NEK1: variants seen among roughly 807,000 people sequenced by gnomAD.
The protein encoded by NEK1 is NIMA related kinase 1, also known as serine/threonine-protein kinase Nek1.
NEK1 carries 137 observed loss-of-function variants against 182.1 expected under a neutral mutation model. The observed-to-expected ratio is 0.75, with a 90% CI of 0.65 to 0.87. NEK1 has a LOEUF of 0.87. NEK1 is among the 40% of genes least tolerant of loss of function. NEK1 has a pLI of 0.00. For missense variants in NEK1, 1,391 were observed against 1,494.4 expected, an observed-to-expected ratio of 0.93 and a Z score of 1.14; for synonymous variants, 513 against 492.2, an observed-to-expected ratio of 1.04 and a Z score of -0.56.
chr4:169,580,268 G>A (rs901631792), intron 11 of NEK1, among the ~76,000 whole-genome samples: 1 of 151,928 alleles, frequency 6.6e-6, no homozygotes, highest in Non-Finnish European at 1.5e-5. Context: ...AGGCCGAGGC[G>A]GGTGGATCAC....
At chr4:169,525,111 A>C (rs1486270048) in intron 19 of NEK1, among the ~76,000 whole-genome samples, 1 of 152,090 alleles carries the variant, frequency 6.6e-6, no homozygotes, top group African/African-American at 2.4e-5. Flanking sequence ...TCCATGTACC[A>C]AACATTATTT....
intron 23 of NEK1, among the ~76,000 whole-genome samples, chr4:169,498,067 TTGCTTTA>T (rs1431721991): frequency 6.6e-6 from 1 of 152,218 alleles, no homozygotes; most frequent in African/African-American, 2.4e-5. Flanking sequence ...CTCTAAGGAC[TTGCTTTA>T]TGAATCTGGG....
At chr4:169,501,128 A>C (rs1752347850) in intron 23 of NEK1, among the ~76,000 whole-genome samples, 1 of 152,242 alleles carries the variant, frequency 6.6e-6, no homozygotes, top group Non-Finnish European at 1.5e-5. Context: ...AACAGACTTT[A>C]AATCAACAAC....
chr4:169,431,043 A>G (rs1309049310), intron 29 of NEK1, among the ~76,000 whole-genome samples: 1 of 152,192 alleles, frequency 6.6e-6, no homozygotes, highest in Non-Finnish European at 1.5e-5. Flanking sequence ...TATCAAAGAT[A>G]TAGCATACTT....
intron 19 of NEK1, among the ~76,000 whole-genome samples, chr4:169,510,693 G>C (rs1299214240): frequency 6.6e-6 from 1 of 152,092 alleles, no homozygotes; most frequent in Non-Finnish European, 1.5e-5. Flanking sequence ...TTCACATTCT[G>C]TTGAATGGCA....
Position 169,400,312 on chromosome 4 carries a change from T to A in NEK1, c.3760A>T (p.Ile1254Leu), listed in dbSNP as rs1731439179. 6.5e-7 allele frequency: 1 copy of A among 1,544,308 alleles called. No homozygotes were observed. Among genetic ancestry groups the A allele is most frequent in the Admixed American group, 2.0e-5 (1 of 51,066 alleles). ...EDENIEICSK[I>L]VQNILGNEHQ... ...TCATTTCCCAAAATATTTTGAACTA[T>A]TTTTGAACAAATTTCAATATTTTCA... The change falls in exon 35 of 36, where the codon ATA becomes TTA. Residue 1254 changes from isoleucine to leucine, a missense_variant. Coordinates refer to ENST00000507142, the MANE Select transcript of NEK1 (RefSeq NM_001199397.3).
chr4:169,570,345 C>A (rs1240199142), intron 12 of NEK1, among the ~76,000 whole-genome samples: 1 of 145,510 alleles, frequency 6.9e-6, no homozygotes, highest in Non-Finnish European at 1.5e-5. Context: ...GCAGCCACCC[C>A]GTCCGGGAGG....
At chr4:169,510,966 C>G (rs147286698) in intron 19 of NEK1, among the ~76,000 whole-genome samples, 1 of 152,142 alleles carries the variant, frequency 6.6e-6, no homozygotes, top group Non-Finnish European at 1.5e-5. Context: ...AAACCTCTCA[C>G]AGTAGCACTC....
chr4:169,440,334 G>T (rs1285444220), intron 27 of NEK1, among the ~76,000 whole-genome samples: 1 of 151,644 alleles, frequency 6.6e-6, no homozygotes, highest in African/African-American at 2.4e-5. Flanking sequence ...ACACAAAAAT[G>T]GTAAAAAATT....
intron 35 of NEK1, among the ~76,000 whole-genome samples, chr4:169,396,365 C>CAAAAAAAAAAAAAAAAA (rs70961598): frequency 2.6e-4 from 10 of 38,052 alleles, no homozygotes; most frequent in Non-Finnish European, 3.6e-4. Flanking sequence ...GACTCCATCT[C>CAAAAAAAAAAAAAAAAA]AAAAAAAAAA....
At chr4:169,421,760 G>C (rs1385628191) in intron 31 of NEK1, among the ~76,000 whole-genome samples, 2 of 152,144 alleles carry the variant, frequency 1.3e-5, no homozygotes, top group African/African-American at 2.4e-5. Context: ...CTCAGTCTCA[G>C]GTACTTCTTG....
intron 31 of NEK1, among the ~76,000 whole-genome samples, chr4:169,420,550 A>G (rs1260199099): frequency 6.6e-6 from 1 of 152,186 alleles, no homozygotes; most frequent in African/African-American, 2.4e-5. Flanking sequence ...TTAGGTGGTG[A>G]GAGGAATTTT....
At chr4:169,539,827 A>G (rs146116359) in intron 18 of NEK1, among the ~76,000 whole-genome samples, 5 of 152,220 alleles carry the variant, frequency 3.3e-5, no homozygotes, top group East Asian at 1.9e-4. Flanking sequence ...TCCTGATTGT[A>G]TCAACTTCCT....
chr4:169,472,725 GTC>G (rs1211736515), intron 26 of NEK1, among the ~76,000 whole-genome samples: 1 of 152,092 alleles, frequency 6.6e-6, no homozygotes, highest in African/African-American at 2.4e-5. Flanking sequence ...CAACACCAGT[GTC>G]TCTCCTCATT....
chr4:169,403,246 A>C (rs1036043501), intron 32 of NEK1, among the ~76,000 whole-genome samples: 6 of 152,158 alleles, frequency 3.9e-5, no homozygotes, highest in Admixed American at 3.3e-4. Context: ...TCATCCTACT[A>C]GTAGCATTTA....
Position 169,438,160 on chromosome 4 carries a change from G to T in NEK1, c.2687C>A (p.Ser896Tyr). ...HEINPSAIVD[S>Y]PVETKSPEFS... ...CTCGGGACTTTTTGTCTCAACAGGAGAATCAACAATAGCTGATGGGTTTAT... is the reference window on the plus strand; with the variant it reads ...CTCGGGACTTTTTGTCTCAACAGGATAATCAACAATAGCTGATGGGTTTAT... The change falls in exon 28 of 36, where the codon TCT becomes TAT. Residue 896 changes from serine to tyrosine, a missense_variant. Ser to Tyr is a moderately radical substitution (Grantham distance 144). Around this residue, in one of 5 missense-constraint regions of NEK1, gnomAD observed 1,216 missense variants for 1,277.6 expected, o/e 0.95. Coordinates refer to ENST00000507142, the MANE Select transcript of NEK1 (RefSeq NM_001199397.3). 2 of 1,609,494 alleles carry T rather than the reference G, an allele frequency of 1.2e-6. No individual in the cohort carries two copies. Among genetic ancestry groups the T allele is most frequent in the East Asian group, 2.2e-5 (1 of 44,792 alleles).
chr4:169,492,208 A>C (rs571611247), intron 23 of NEK1, among the ~76,000 whole-genome samples: 1 of 152,346 alleles, frequency 6.6e-6, no homozygotes, highest in Non-Finnish European at 1.5e-5. Context: ...ATGGAAAAAT[A>C]AGATTCAGAC....
chr4:169,548,153 C>G (rs1409218639), intron 18 of NEK1, among the ~76,000 whole-genome samples: 1 of 152,116 alleles, frequency 6.6e-6, no homozygotes, highest in Non-Finnish European at 1.5e-5. Flanking sequence ...CAGATGGGGT[C>G]TCTGAGTGTA....
chr4:169,507,883 A>G, intron 21 of NEK1, 91 bp from the exon 22 acceptor site: 1 of 948,630 alleles, frequency 1.1e-6, no homozygotes, highest in Non-Finnish European at 1.6e-6. Context: ...ATAAACTAAA[A>G]TCTAAAAATA....
Sources: allele counts gnomAD v4.1 joint callset (sites outside exome capture counted in the v4.1 genomes callset), GRCh38; gene constraint gnomAD v4.1.1; regional missense constraint gnomAD v4.1.1; transcripts MANE v1.5; gene names NCBI Gene and HGNC (gene_info 2026-07-23, HGNC 2026-07-21).